The following SNRPN variants were observed in gnomAD, a reference collection of about 807,000 sequenced individuals.
SNRPN encodes small nuclear ribonucleoprotein-associated protein N.
SNRPN carries 7 observed loss-of-function variants against 25.2 expected under a neutral mutation model. The observed-to-expected ratio is 0.28, with a 90% CI of 0.16 to 0.52. The LOEUF (loss-of-function observed/expected upper bound fraction) is 0.52. Ranked by LOEUF, SNRPN falls within the 20% of genes least tolerant of loss-of-function variation. The pLI, the probability that SNRPN is intolerant of heterozygous loss-of-function variation, is 0.96. For synonymous variants in SNRPN, 124 were observed against 110.6 expected (o/e 1.12, Z -0.76); for missense variants, 196 against 322.5 (o/e 0.61, Z 3.00).
chr15:24,869,615 G>A (rs765842486), intron 1 of SNRPN, among the ~76,000 whole-genome samples: 6 of 152,084 alleles, frequency 3.9e-5, no homozygotes, highest in Non-Finnish European at 7.3e-5. Context: ...GTTGGGTTTG[G>A]GGAAGGAAGA....
chr15:24,881,526 C>CAT (rs1555388028), intron 1 of SNRPN, among the ~76,000 whole-genome samples: 1 of 72,506 alleles, frequency 1.4e-5, no homozygotes, highest in African/African-American at 5.3e-5. Context: ...AGCGAAACTC[C>CAT]GAGAGAGAGA....
upstream of SNRPN, among the ~76,000 whole-genome samples, chr15:24,852,793 G>A (rs1318416008): frequency 3.9e-5 from 6 of 152,258 alleles, no homozygotes; most frequent in East Asian, 1.2e-3. Flanking sequence ...AGGTGTTGCA[G>A]CATATGTCTG....
chr15:24,865,013 A>G (rs1236719520), intron 1 of SNRPN, among the ~76,000 whole-genome samples: 2 of 150,664 alleles, frequency 1.3e-5, no homozygotes, highest in Admixed American at 6.6e-5. Flanking sequence ...CACGTAACCT[A>G]TGACCCATGT....
In SNRPN at chr15:24,838,197, G is replaced by A. The variant is rs530312783; in HGVS notation, c.-579+8292G>A. On this transcript the variant is annotated intron_variant, in intron 2 of 12. Coordinates refer to the SNRPN transcript ENST00000400100. ...CTACAGGCACCTGCCACCACGCCCA[G>A]GTAAAATTTTTGTATTTTTAGTAGA... Among the ~76,000 whole-genome samples the A allele has an allele frequency of 5.1e-4, 78 of 151,554 alleles. 1 individual carries two copies. The South Asian group carries it at 0.016, about 32-fold the overall frequency.
At chr15:24,919,179 C>T (rs2059886832) in intron 2 of SNRPN, among the ~76,000 whole-genome samples, 1 of 151,502 alleles carries the variant, frequency 6.6e-6, no homozygotes, top group African/African-American at 2.4e-5. Context: ...CCTGTAATCC[C>T]AGCACTTTGG....
intron 1 of SNRPN, among the ~76,000 whole-genome samples, chr15:24,863,188 C>T (rs866815044): frequency 6.6e-6 from 1 of 150,778 alleles, no homozygotes; most frequent in Non-Finnish European, 1.5e-5. Flanking sequence ...TGGGGAAGGG[C>T]AGAGAAGTTT....
chr15:24,934,326 A>C (rs545817208), intron 3 of SNRPN, among the ~76,000 whole-genome samples: 4 of 152,258 alleles, frequency 2.6e-5, no homozygotes, highest in African/African-American at 9.6e-5. Context: ...ATACTTGAAA[A>C]AAGCAAAAGA....
At chr15:24,892,044 A>G (rs1184314032) in intron 2 of SNRPN, among the ~76,000 whole-genome samples, 1 of 146,058 alleles carries the variant, frequency 6.8e-6, no homozygotes, top group East Asian at 2.2e-4. Flanking sequence ...ATTCATGGAG[A>G]AGGTTTTTAA....
intron 2 of SNRPN, among the ~76,000 whole-genome samples, chr15:24,894,664 T>G (rs1431952333): frequency 3.3e-5 from 5 of 152,242 alleles, no homozygotes; most frequent in African/African-American, 1.2e-4. Flanking sequence ...ATTTTTTTCC[T>G]ATCCATCTGC....
At chr15:24,909,194 T>C (rs1406950842) in intron 2 of SNRPN, 2 of 1,470,298 alleles carry the variant, frequency 1.4e-6, no homozygotes, top group Non-Finnish European at 9.5e-7. Flanking sequence ...TTCCATTAAG[T>C]AGCACATGTA....
intron 2 of SNRPN, among the ~76,000 whole-genome samples, chr15:24,900,803 A>C (rs1017744331): frequency 6.6e-6 from 1 of 152,192 alleles, no homozygotes; most frequent in Non-Finnish European, 1.5e-5. Context: ...TGGGGATTCA[A>C]GATTTATTGT....
chr15:24,876,632 A>G (rs1440887559), intron 1 of SNRPN, among the ~76,000 whole-genome samples: 2 of 151,972 alleles, frequency 1.3e-5, no homozygotes, highest in African/African-American at 4.8e-5. Flanking sequence ...AAAAAAAAAA[A>G]AAGATGCTGT....
chr15:24,944,404 A>G (rs374887923), intron 3 of SNRPN, among the ~76,000 whole-genome samples: 1 of 152,254 alleles, frequency 6.6e-6, no homozygotes, highest in Admixed American at 6.5e-5. Flanking sequence ...TGCCTTTTAT[A>G]CTTATTTAAT....
At chr15:24,964,339 G>A (rs1052747990) in intron 2 of SNRPN, among the ~76,000 whole-genome samples, 3 of 151,772 alleles carry the variant, frequency 2.0e-5, no homozygotes, top group African/African-American at 7.3e-5. Flanking sequence ...TTTTTGAGAC[G>A]GAGTTTTGCT....
At chr15:24,953,409 C>T (rs145661433), upstream of SNRPN, among the ~76,000 whole-genome samples, 80 of 152,240 alleles carry the variant, frequency 5.3e-4, no homozygotes, top group African/African-American at 1.8e-3. Context: ...CTGCAACCTC[C>T]GCCTCCCACG....
At chr15:24,829,567 G>T (rs1183356878) in intron 1 of SNRPN, among the ~76,000 whole-genome samples, 1 of 152,022 alleles carries the variant, frequency 6.6e-6, no homozygotes, top group African/African-American at 2.4e-5. Flanking sequence ...TGATGCAGGG[G>T]CCGCTCTCTG....
intron 2 of SNRPN, among the ~76,000 whole-genome samples, chr15:24,908,326 G>C (rs1045246594): frequency 9.2e-5 from 14 of 152,162 alleles, no homozygotes; most frequent in Admixed American, 6.5e-4. Context: ...ACTGAGTAAT[G>C]GGTAGAGGCT....
At chr15:24,926,413 T>C (rs1240211920) in intron 3 of SNRPN, among the ~76,000 whole-genome samples, 1 of 152,116 alleles carries the variant, frequency 6.6e-6, no homozygotes. Context: ...ACATAAATTA[T>C]TGTCCTGACA....
intron 1 of SNRPN, among the ~76,000 whole-genome samples, chr15:24,958,305 G>A (rs1469724094): frequency 6.6e-6 from 1 of 151,516 alleles, no homozygotes; most frequent in Non-Finnish European, 1.5e-5. Context: ...AATCATTTAA[G>A]CAGGTTGTGA....
Sources: gnomAD v4.1 joint callset for allele counts (sites outside exome capture counted in the v4.1 genomes callset) on GRCh38, gnomAD v4.1.1 for gene constraint, MANE v1.5 for transcripts, NCBI Gene and HGNC (gene_info 2026-07-23, HGNC 2026-07-21) for gene names.